Variants in GALNTL6 observed in about 807,000 individuals in gnomAD.
GALNTL6 encodes the protein polypeptide N-acetylgalactosaminyltransferase like 6, also known as polypeptide N-acetylgalactosaminyltransferase-like 6.
In GALNTL6, 46 loss-of-function variants were observed where a neutral mutation model predicts 73.7. The observed-to-expected ratio is 0.62, with a 90% CI of 0.49 to 0.80. The LOEUF (loss-of-function observed/expected upper bound fraction) is 0.80, where lower values mean the gene tolerates loss of function less well. Ranked by LOEUF, GALNTL6 falls within the 30% of genes least tolerant of loss-of-function variation. The probability of loss-of-function intolerance (pLI) is 0.00; values close to 1 mark genes in which losing one functional copy is unlikely to be tolerated. For missense variants in GALNTL6, 604 were observed against 755.0 expected (o/e 0.80, Z 2.34); for synonymous variants, 259 against 263.7 (o/e 0.98, Z 0.17).
intron 2 of GALNTL6, among the ~76,000 whole-genome samples, chr4:171,971,924 A>G (rs181739287): frequency 1.6e-4 from 25 of 152,002 alleles, no homozygotes; most frequent in Admixed American, 6.6e-4. Context: ...TGGTTCAGCT[A>G]GGTTACCTAG....
At chr4:172,862,326 T>C (rs948489349) in intron 7 of GALNTL6, among the ~76,000 whole-genome samples, 15 of 152,186 alleles carry the variant, frequency 9.9e-5, no homozygotes, top group Admixed American at 5.2e-4. Flanking sequence ...TGTGGAACTT[T>C]GAACTTGAGA....
chr4:171,933,478 G>C (rs1242207937), intron 2 of GALNTL6, among the ~76,000 whole-genome samples: 1 of 151,966 alleles, frequency 6.6e-6, no homozygotes, highest in East Asian at 1.9e-4. Flanking sequence ...AATTACTCAA[G>C]TATCTATAAA....
At chr4:172,930,096 G>A (rs1748250435) in intron 8 of GALNTL6, among the ~76,000 whole-genome samples, 1 of 152,150 alleles carries the variant, frequency 6.6e-6, no homozygotes, top group Non-Finnish European at 1.5e-5. Context: ...GGCCAACATG[G>A]TGAAACCTCG....
At chr4:172,819,140 C>T (rs1741783495) in intron 7 of GALNTL6, among the ~76,000 whole-genome samples, 1 of 152,170 alleles carries the variant, frequency 6.6e-6, no homozygotes, top group Admixed American at 6.5e-5. Flanking sequence ...TGAGGCATAG[C>T]CCATGCTAAA....
intron 5 of GALNTL6, among the ~76,000 whole-genome samples, chr4:172,795,300 C>A (rs115031616): frequency 3.4e-4 from 52 of 152,160 alleles, no homozygotes; most frequent in Non-Finnish European, 7.1e-4. Context: ...GAGAGGGTGG[C>A]CTTGTGTGGG....
chr4:173,010,605 T>C (rs1341329557), intron 11 of GALNTL6, among the ~76,000 whole-genome samples: 1 of 151,994 alleles, frequency 6.6e-6, no homozygotes, highest in African/African-American at 2.4e-5. Flanking sequence ...TTTTGTTTTG[T>C]TTTGTTTTTA....
At chr4:172,845,186 C>G (rs1418255271) in intron 7 of GALNTL6, among the ~76,000 whole-genome samples, 1 of 145,848 alleles carries the variant, frequency 6.9e-6, no homozygotes, top group African/African-American at 2.5e-5. Context: ...CCACTGCACT[C>G]CAGCCTGGTG....
intron 2 of GALNTL6, among the ~76,000 whole-genome samples, chr4:171,912,579 C>T (rs1737507158): frequency 6.6e-6 from 1 of 152,160 alleles, no homozygotes; most frequent in African/African-American, 2.4e-5. Flanking sequence ...TTCTTCTAGA[C>T]ATTTTTGAAA....
At chr4:172,156,568 C>CTATATATATAT in intron 2 of GALNTL6, among the ~76,000 whole-genome samples, 1 of 115,790 alleles carries the variant, frequency 8.6e-6, no homozygotes, top group African/African-American at 3.7e-5. Context: ...TATATATATA[C>CTATATATATAT]ATACTATATA....
chr4:171,950,615 G>C (rs1312271157), intron 2 of GALNTL6, among the ~76,000 whole-genome samples: 1 of 151,864 alleles, frequency 6.6e-6, no homozygotes, highest in Non-Finnish European at 1.5e-5. Context: ...GAGTAGCTGG[G>C]ACTACAGGCG....
intron 2 of GALNTL6, among the ~76,000 whole-genome samples, chr4:172,180,675 A>G (rs920834790): frequency 6.6e-6 from 1 of 152,188 alleles, no homozygotes; most frequent in African/African-American, 2.4e-5. Context: ...ATGGCTAGCC[A>G]GTTTTCCCAA....
At chr4:171,933,584 T>G (rs1738251753) in intron 2 of GALNTL6, among the ~76,000 whole-genome samples, 1 of 151,970 alleles carries the variant, frequency 6.6e-6, no homozygotes, top group African/African-American at 2.4e-5. Flanking sequence ...TTATTAGGGA[T>G]TTATTTAGAC....
At chr4:172,355,606 A>T (rs1391859616) in intron 5 of GALNTL6, among the ~76,000 whole-genome samples, 2 of 152,134 alleles carry the variant, frequency 1.3e-5, no homozygotes. Context: ...TAAATGAATG[A>T]AATAAGCAAA....
intron 2 of GALNTL6, among the ~76,000 whole-genome samples, chr4:172,198,423 AAAGACCCCATT>A (rs1371730580): frequency 6.6e-6 from 1 of 152,110 alleles, no homozygotes; most frequent in Non-Finnish European, 1.5e-5. Flanking sequence ...AAGAAAAAAA[AAAGACCCCATT>A]AAAAAGTGGG....
intron 5 of GALNTL6, among the ~76,000 whole-genome samples, chr4:172,717,866 G>A (rs1735205055): frequency 6.6e-6 from 1 of 152,144 alleles, no homozygotes; most frequent in African/African-American, 2.4e-5. Flanking sequence ...TCACAGCAAA[G>A]TCTCCTTTCA....
intron 5 of GALNTL6, among the ~76,000 whole-genome samples, chr4:172,577,213 A>G (rs547666014): frequency 6.6e-6 from 1 of 152,324 alleles, no homozygotes; most frequent in Non-Finnish European, 1.5e-5. Flanking sequence ...ATATAGCACT[A>G]CTGACACAGT....
intron 10 of GALNTL6, among the ~76,000 whole-genome samples, chr4:172,981,308 A>T (rs1751053225): frequency 6.6e-6 from 1 of 152,192 alleles, no homozygotes; most frequent in Non-Finnish European, 1.5e-5. Flanking sequence ...CCCATTTGGC[A>T]TTCCTACCAA....
At chr4:172,108,384 C>T (rs1218252831) in intron 2 of GALNTL6, among the ~76,000 whole-genome samples, 2 of 152,126 alleles carry the variant, frequency 1.3e-5, no homozygotes, top group African/African-American at 4.8e-5. Flanking sequence ...CTGAGAACTA[C>T]CAGAATCCAA....
chr4:172,156,441 C>T (rs978360775), intron 2 of GALNTL6, among the ~76,000 whole-genome samples: 3 of 150,072 alleles, frequency 2.0e-5, no homozygotes, highest in Non-Finnish European at 3.0e-5. Context: ...TGATTTGATT[C>T]CACACTGAAA....
Sources: allele counts gnomAD v4.1 joint callset (sites outside exome capture counted in the v4.1 genomes callset), GRCh38; gene constraint gnomAD v4.1.1; transcripts MANE v1.5; gene names NCBI Gene and HGNC (gene_info 2026-07-23, HGNC 2026-07-21).